ZNF678: variants seen among roughly 807,000 people sequenced by gnomAD.
ZNF678 encodes the protein hypothetical protein MGC42493.
Under a neutral mutation model 3.0 loss-of-function variants are expected in ZNF678, and 5 were observed. The ratio of observed to expected loss-of-function variants is 1.69; its 90% CI spans 0.88 to 3.56. The LOEUF (loss-of-function observed/expected upper bound fraction) is 3.56, where lower values mean the gene tolerates loss of function less well. Ranked by LOEUF, ZNF678 falls within the 30% of genes most tolerant of loss-of-function variation. The pLI is 0.00. For missense variants in ZNF678, 593 were observed against 605.0 expected, an observed-to-expected ratio of 0.98 and a Z score of 0.21; for synonymous variants, 218 against 199.6, an observed-to-expected ratio of 1.09 and a Z score of -0.78.
intron 5 of ZNF678, among the ~76,000 whole-genome samples, chr1:227,671,975 T>C (rs1659607815): frequency 6.6e-6 from 1 of 152,300 alleles, no homozygotes; most frequent in South Asian, 2.1e-4. Flanking sequence ...CAGGAGCTGA[T>C]CTTGAAGGAT....
chr1:227,630,381 G>A (rs1191712424), intron 1 of ZNF678, among the ~76,000 whole-genome samples: 1 of 152,200 alleles, frequency 6.6e-6, no homozygotes, highest in Non-Finnish European at 1.5e-5. Context: ...TGGCCTGTGG[G>A]GGAATTGTTC....
chr1:227,618,943 T>A (rs1470356485), intron 1 of ZNF678, among the ~76,000 whole-genome samples: 1 of 152,118 alleles, frequency 6.6e-6, no homozygotes, highest in Non-Finnish European at 1.5e-5. Flanking sequence ...AAACTTACAA[T>A]CATGGCAAGG....
intron 1 of ZNF678, among the ~76,000 whole-genome samples, chr1:227,642,656 A>G (rs1336887741): frequency 6.6e-6 from 1 of 151,796 alleles, no homozygotes; most frequent in South Asian, 2.1e-4. Context: ...CATCATGGGG[A>G]TATCAGCCTA....
At chr1:227,633,915 C>A (rs181429269) in intron 1 of ZNF678, among the ~76,000 whole-genome samples, 3 of 152,330 alleles carry the variant, frequency 2.0e-5, no homozygotes, top group Admixed American at 1.3e-4. Flanking sequence ...GCTGACATCA[C>A]CCCTCCCCTA....
chr1:227,563,783 A>G (rs1032135434), intron 1 of ZNF678, 59 bp downstream of exon 1: 36 of 1,296,808 alleles, frequency 2.8e-5, no homozygotes, highest in Non-Finnish European at 3.6e-5. Context: ...CGTCAGCACT[A>G]GAGTCCGCGG....
At chr1:227,603,618 T>C (rs1329516490) in intron 1 of ZNF678, among the ~76,000 whole-genome samples, 2 of 152,182 alleles carry the variant, frequency 1.3e-5, no homozygotes, top group Non-Finnish European at 2.9e-5. Flanking sequence ...CTCCAGGGTC[T>C]TGGCACCCCA....
chr1:227,648,250 T>A lies in ZNF678; in HGVS notation c.-37+1580T>A. Among the ~76,000 whole-genome samples, 2 of 152,330 alleles carry A rather than the reference T, an allele frequency of 1.3e-5. 1 individual carries two copies. The highest frequency in any genetic ancestry group is 6.8e-3 in the Middle Eastern group (2 of 294). On this transcript the variant is annotated intron_variant, in intron 2 of 3. Transcript: ENST00000343776. ...AAACTCCCACCTTTTACCTTATTTT[T>A]AAATAACTGTATTTTAAATTTGTTT...
At chr1:227,634,087 C>T (rs1350393513) in intron 1 of ZNF678, among the ~76,000 whole-genome samples, 1 of 152,176 alleles carries the variant, frequency 6.6e-6, no homozygotes, top group East Asian at 1.9e-4. Context: ...CCTTTCCAAA[C>T]CCTAGCTCTG....
chr1:227,563,809 G>A (rs1656596011), intron 1 of ZNF678, 85 bp downstream of exon 1: 2 of 1,225,768 alleles, frequency 1.6e-6, no homozygotes, highest in South Asian at 2.5e-5. Flanking sequence ...AGTCCCGGCT[G>A]GCACCTGTGG....
chr1:227,610,314 T>G (rs954243948), intron 1 of ZNF678, among the ~76,000 whole-genome samples: 1 of 152,232 alleles, frequency 6.6e-6, no homozygotes, highest in African/African-American at 2.4e-5. Flanking sequence ...CCACATACTT[T>G]CGTGGTAGCC....
At chr1:227,648,332 T>A (rs1238284382) in intron 2 of ZNF678, among the ~76,000 whole-genome samples, 1 of 152,192 alleles carries the variant, frequency 6.6e-6, no homozygotes, top group Non-Finnish European at 1.5e-5. Context: ...GCATATATAT[T>A]TATTTGTGTG....
intron 1 of ZNF678, among the ~76,000 whole-genome samples, chr1:227,618,272 C>T (rs1222095865): frequency 6.6e-6 from 1 of 152,166 alleles, no homozygotes; most frequent in Non-Finnish European, 1.5e-5. Context: ...AGCTGTGGTC[C>T]CATCTGGGCA....
rs117901700 is a variant in ZNF678 at position 227,645,097 on chromosome 1, C to T, written c.-163-1447C>T. Among the ~76,000 whole-genome samples the T allele has an allele frequency of 4.6e-3, 703 of 152,312 alleles. 19 individuals are homozygous for T. The South Asian group carries it at 0.057, about 12-fold the overall frequency. ...TAGCAGGAAAATGAAAACTCACATTCTGACCTTTACGTAGGAGCTCATTGT... is the reference window on the plus strand; with the variant it reads ...TAGCAGGAAAATGAAAACTCACATTTTGACCTTTACGTAGGAGCTCATTGT... On this transcript the variant is annotated intron_variant, in intron 1 of 3. Coordinates refer to ENST00000343776, the MANE Select transcript of ZNF678 (RefSeq NM_001367909.1).
chr1:227,567,391 C>CG (rs1553265534), intron 1 of ZNF678, among the ~76,000 whole-genome samples: 4 of 152,206 alleles, frequency 2.6e-5, no homozygotes, highest in African/African-American at 7.2e-5. Context: ...CCCAGTGACT[C>CG]TAAGTTAAGG....
At chr1:227,668,897 CCTATT>C in intron 5 of ZNF678, among the ~76,000 whole-genome samples, 1 of 152,020 alleles carries the variant, frequency 6.6e-6, no homozygotes, top group Non-Finnish European at 1.5e-5. Context: ...TTCCAAGTTT[CCTATT>C]CTGTTCTATT....
chr1:227,670,306 C>T (rs1268405811), intron 5 of ZNF678, among the ~76,000 whole-genome samples: 1 of 152,214 alleles, frequency 6.6e-6, no homozygotes, highest in Non-Finnish European at 1.5e-5. Flanking sequence ...TCACATTGTA[C>T]ACCACAAGTA....
chr1:227,608,876 A>G (rs151054671), intron 1 of ZNF678, among the ~76,000 whole-genome samples: 32 of 152,318 alleles, frequency 2.1e-4, no homozygotes, highest in Non-Finnish European at 1.0e-4. Context: ...TCTTGTGATC[A>G]TCAAACCTGT....
chr1:227,642,664 C>G (rs945853518), intron 1 of ZNF678, among the ~76,000 whole-genome samples: 14 of 152,002 alleles, frequency 9.2e-5, no homozygotes, highest in African/African-American at 3.1e-4. Flanking sequence ...GGATATCAGC[C>G]TAGGCTTACT....
intron 1 of ZNF678, among the ~76,000 whole-genome samples, chr1:227,581,791 A>G (rs950974830): frequency 6.6e-6 from 1 of 152,208 alleles, no homozygotes; most frequent in Non-Finnish European, 1.5e-5. Flanking sequence ...AAAGTGCTAG[A>G]TTATAGGTTA....
Sources: allele counts gnomAD v4.1 joint callset (sites outside exome capture counted in the v4.1 genomes callset), GRCh38; gene constraint gnomAD v4.1.1; transcripts MANE v1.5; gene names NCBI Gene and HGNC (gene_info 2026-07-23, HGNC 2026-07-21).